The following ERBB4 variants were observed in gnomAD, a reference collection of about 807,000 sequenced individuals.
The protein encoded by ERBB4 is erb-b2 receptor tyrosine kinase 4.
In ERBB4, 42 loss-of-function variants were observed where a neutral mutation model predicts 158.0. The ratio of observed to expected loss-of-function variants is 0.27; its 90% confidence interval spans 0.21 to 0.34. The LOEUF is 0.34. Among genes scored for constraint, ERBB4 ranks in the 10% least tolerant of loss-of-function variants. The pLI is 1.00. For missense variants in ERBB4, 1,333 were observed against 1,624.1 expected (o/e 0.82, Z 3.08); for synonymous variants, 583 against 558.7 (o/e 1.04, Z -0.61).
chr2:211,993,632 A>G (rs114312145), intron 2 of ERBB4, among the ~76,000 whole-genome samples: 3,319 of 151,868 alleles, frequency 0.022, 54 homozygotes, highest in Middle Eastern at 0.048. Context: ...AAGAAAATTA[A>G]AAAAAAACAG....
At chr2:211,922,066 T>TA (rs769655455) in intron 3 of ERBB4, among the ~76,000 whole-genome samples, 141 of 152,162 alleles carry the variant, frequency 9.3e-4, no homozygotes, top group Admixed American at 1.6e-3. Context: ...GTTTGTTTTA[T>TA]AAAAAACTTA....
intron 12 of ERBB4, among the ~76,000 whole-genome samples, 161 bp downstream of exon 12, chr2:211,701,806 T>G (rs374204748): frequency 6.6e-6 from 1 of 151,310 alleles, no homozygotes; most frequent in African/African-American, 2.4e-5. Flanking sequence ...ATTCTGATTA[T>G]TTTATACCAT....
chr2:212,064,985 TATG>T (rs2077894260), intron 2 of ERBB4, among the ~76,000 whole-genome samples: 1 of 132,126 alleles, frequency 7.6e-6, no homozygotes, highest in Non-Finnish European at 1.6e-5. Context: ...ACAACATCTT[TATG>T]GTGTGTGTGT....
intron 2 of ERBB4, among the ~76,000 whole-genome samples, chr2:212,023,858 G>A (rs959623814): frequency 6.6e-6 from 1 of 151,718 alleles, no homozygotes; most frequent in Non-Finnish European, 1.5e-5. Context: ...AAATGAATAT[G>A]TGTCTGTGAT....
intron 2 of ERBB4, among the ~76,000 whole-genome samples, chr2:211,959,474 C>T (rs1024612183): frequency 6.6e-6 from 1 of 151,936 alleles, no homozygotes; most frequent in African/African-American, 2.4e-5. Context: ...CATACATTGG[C>T]ACCTTCCATT....
Position 212,201,482 on chromosome 2 carries a change from C to T in ERBB4, c.83-76579G>A, listed in dbSNP as rs77289863. 9.6e-3 allele frequency among the ~76,000 whole-genome samples: 1,461 copies of T among 152,004 alleles called. 15 individuals are homozygous for T. Among genetic ancestry groups the T allele is most frequent in the African/African-American group, 0.031 (1,304 of 41,476 alleles). On this transcript the variant is annotated intron_variant, in intron 1 of 27. Coordinates refer to ENST00000342788, the MANE Select transcript of ERBB4 (RefSeq NM_005235.3). ...TCCTGGGTGGATTTTATTTTTTTCA[C>T]GCTTGCTTTAATCGATAAATATTTT...
intron 20 of ERBB4, among the ~76,000 whole-genome samples, chr2:211,493,075 G>A (rs1424781783): frequency 6.6e-6 from 1 of 152,122 alleles, no homozygotes; most frequent in African/African-American, 2.4e-5. Context: ...TCACTCTTGT[G>A]AGGCTAGATT....
chr2:211,701,701 A>G (rs2073251816), intron 12 of ERBB4, among the ~76,000 whole-genome samples: 1 of 138,172 alleles, frequency 7.2e-6, no homozygotes, highest in South Asian at 2.3e-4. Context: ...GCTTGCAGTG[A>G]GCCGAGATCT....
chr2:211,540,205 T>TATAC (rs60602351), intron 20 of ERBB4, among the ~76,000 whole-genome samples: 3,235 of 147,812 alleles, frequency 0.022, 110 homozygotes, highest in African/African-American at 0.075. Flanking sequence ...TATATATATA[T>TATAC]ACACACACAC....
At chr2:212,279,302 A>G (rs1174327319) in intron 1 of ERBB4, among the ~76,000 whole-genome samples, 3 of 151,538 alleles carry the variant, frequency 2.0e-5, no homozygotes. Flanking sequence ...GCAGATCTCT[A>G]CTGAAATTTA....
chr2:211,393,610 A>G (rs927756752), intron 25 of ERBB4, among the ~76,000 whole-genome samples: 1 of 152,142 alleles, frequency 6.6e-6, no homozygotes, highest in Non-Finnish European at 1.5e-5. Flanking sequence ...AGGCATCTGA[A>G]ACTCATTATC....
chr2:211,517,475 A>G (rs747780563), intron 20 of ERBB4, among the ~76,000 whole-genome samples: 8 of 152,118 alleles, frequency 5.3e-5, no homozygotes, highest in Non-Finnish European at 1.0e-4. Context: ...TATCTTTTCT[A>G]AAGCTAACAT....
intron 3 of ERBB4, among the ~76,000 whole-genome samples, chr2:211,858,766 G>A (rs767325506): frequency 1.1e-3 from 166 of 152,122 alleles, no homozygotes; most frequent in Non-Finnish European, 1.8e-3. Context: ...ACTCCAAAAG[G>A]CAATGTATCT....
At chr2:212,458,579 G>T (rs1331715442) in intron 1 of ERBB4, among the ~76,000 whole-genome samples, 1 of 151,974 alleles carries the variant, frequency 6.6e-6, no homozygotes, top group African/African-American at 2.4e-5. Flanking sequence ...TGATTCTCTG[G>T]GCAGTGAAAG....
chr2:211,955,264 C>T (rs899508454), intron 2 of ERBB4, among the ~76,000 whole-genome samples: 6 of 152,060 alleles, frequency 3.9e-5, no homozygotes, highest in Non-Finnish European at 7.4e-5. Context: ...TTTCACTCAT[C>T]ACTGGCCGCT....
At chr2:211,665,705 A>G (rs2071606023) in intron 14 of ERBB4, among the ~76,000 whole-genome samples, 2 of 152,348 alleles carry the variant, frequency 1.3e-5, no homozygotes, top group South Asian at 2.1e-4. Context: ...TGAAAACACT[A>G]TAATAATGTA....
chr2:211,890,633 C>T (rs1434854769), intron 3 of ERBB4, among the ~76,000 whole-genome samples: 20 of 135,968 alleles, frequency 1.5e-4, no homozygotes, highest in African/African-American at 5.8e-4. Flanking sequence ...GAGTCAAGAC[C>T]CATCAGTGTG....
intron 3 of ERBB4, among the ~76,000 whole-genome samples, chr2:211,838,683 A>G (rs993198928): frequency 3.3e-5 from 5 of 152,148 alleles, no homozygotes; most frequent in South Asian, 2.1e-4. Context: ...ACAAAATTCA[A>G]TAATATTAAA....
chr2:211,813,319 G>T (rs1343625205), intron 3 of ERBB4, among the ~76,000 whole-genome samples: 2 of 152,220 alleles, frequency 1.3e-5, no homozygotes, highest in African/African-American at 4.8e-5. Flanking sequence ...GCTGCCAAGT[G>T]TTATAATAGC....
Sources: gnomAD v4.1 joint callset for allele counts (sites outside exome capture counted in the v4.1 genomes callset) on GRCh38, gnomAD v4.1.1 for gene constraint, MANE v1.5 for transcripts, NCBI Gene and HGNC (gene_info 2026-07-23, HGNC 2026-07-21) for gene names.